The following FSHR variants were observed in gnomAD, a reference collection of about 807,000 sequenced individuals.
The protein encoded by FSHR is follicle stimulating hormone receptor, also known as follicle-stimulating hormone receptor.
A neutral mutation model predicts 52.1 loss-of-function variants in FSHR; 46 were observed. That is an observed-to-expected ratio of 0.88 (90% CI 0.70 to 1.13). The LOEUF (loss-of-function observed/expected upper bound fraction) is 1.13. FSHR is among the 50% of genes most tolerant of loss of function. FSHR has a pLI of 0.00. For synonymous variants in FSHR, 399 were observed against 309.6 expected, an observed-to-expected ratio of 1.29 and a Z score of -3.03; for missense variants, 964 against 834.6, an observed-to-expected ratio of 1.16 and a Z score of -1.91.
Position 49,096,922 on chromosome 2 carries a change from C to T in FSHR, c.153-28632G>A, listed in dbSNP as rs1670840561. ...TGGCCATGTGATATGCCTACTCCCA[C>T]TTTACCTTCTGCCATGATTATAAGT... On this transcript the variant is annotated intron_variant, in intron 1 of 9. Transcript: ENST00000406846. 5.3e-5 allele frequency among the ~76,000 whole-genome samples: 8 copies of T among 152,306 alleles called. 1 individual carries two copies. In the South Asian group the frequency reaches 1.7e-3, roughly 32 times the overall value.
intron 2 of FSHR, among the ~76,000 whole-genome samples, chr2:49,043,705 T>G (rs1432390849): frequency 6.6e-6 from 1 of 152,222 alleles, no homozygotes; most frequent in Non-Finnish European, 1.5e-5. Context: ...TCTCAGTGCA[T>G]GAAGCAGCTT....
chr2:48,962,645 T>G lies in FSHR; in HGVS notation c.*88A>C. 6 of 1,325,222 alleles carry G rather than the reference T, an allele frequency of 4.5e-6. No homozygotes were observed. In the South Asian group the frequency reaches 7.2e-5, roughly 16 times the overall value. 82.1% of individuals were successfully genotyped at this position (1,325,222 alleles called of 1,614,324 possible). On this transcript the variant is annotated 3_prime_UTR_variant, in exon 10 of 10. Coordinates refer to ENST00000406846, the MANE Select transcript of FSHR (RefSeq NM_000145.4). ...GGAATATTAAATTAGATGAAATGTG[T>G]AGAAGCACTGTCAGCTCTTTGTGAC...
chr2:48,968,315 T>C (rs1275055373), intron 9 of FSHR, among the ~76,000 whole-genome samples: 2 of 152,196 alleles, frequency 1.3e-5, no homozygotes, highest in Non-Finnish European at 2.9e-5. Context: ...CCACCAAAGA[T>C]GACACGGATG....
intron 1 of FSHR, among the ~76,000 whole-genome samples, chr2:49,129,978 ATTTTGTTTTG>A (rs1672207080): frequency 6.6e-6 from 1 of 152,050 alleles, no homozygotes; most frequent in Admixed American, 6.6e-5. Flanking sequence ...AACATGTTTT[ATTTTGTTTTG>A]TTTTAAATCT....
chr2:49,043,839 T>C (rs1331337874), intron 2 of FSHR, among the ~76,000 whole-genome samples: 5 of 152,202 alleles, frequency 3.3e-5, no homozygotes, highest in Non-Finnish European at 7.4e-5. Flanking sequence ...ATTCCCATTA[T>C]GACTTTGAAT....
intron 2 of FSHR, among the ~76,000 whole-genome samples, chr2:49,053,668 A>G (rs555925399): frequency 1.3e-5 from 2 of 152,180 alleles, no homozygotes; most frequent in Non-Finnish European, 2.9e-5. Context: ...CTAATGCACA[A>G]ACTTCTATTC....
At chr2:49,071,056 G>C (rs1289703092) in intron 1 of FSHR, among the ~76,000 whole-genome samples, 1 of 152,072 alleles carries the variant, frequency 6.6e-6, no homozygotes, top group East Asian at 1.9e-4. Flanking sequence ...TACGAAACTG[G>C]CACATGAGAT....
intron 2 of FSHR, among the ~76,000 whole-genome samples, chr2:49,056,655 G>T (rs1182657875): frequency 6.6e-6 from 1 of 151,836 alleles, no homozygotes; most frequent in African/African-American, 2.4e-5. Flanking sequence ...CTGCACCACA[G>T]ACCAAACAGA....
chr2:49,059,078 G>A (rs984556639), intron 2 of FSHR, among the ~76,000 whole-genome samples: 3 of 152,024 alleles, frequency 2.0e-5, no homozygotes, highest in African/African-American at 7.2e-5. Flanking sequence ...GGTGGCACAT[G>A]CCTGTAGTAC....
intron 4 of FSHR, among the ~76,000 whole-genome samples, chr2:49,007,810 C>T (rs539213357): frequency 8.5e-5 from 13 of 152,128 alleles, no homozygotes; most frequent in African/African-American, 2.6e-4. Flanking sequence ...ATACCAGAAG[C>T]TTTACAATCA....
intron 1 of FSHR, among the ~76,000 whole-genome samples, chr2:49,121,236 G>A (rs558502664): frequency 5.9e-5 from 9 of 152,294 alleles, no homozygotes; most frequent in South Asian, 2.1e-4. Context: ...GACAACTTTG[G>A]ATCAGAATCT....
chr2:48,982,411 G>T (rs978035869), intron 8 of FSHR, among the ~76,000 whole-genome samples: 15 of 152,202 alleles, frequency 9.9e-5, no homozygotes, highest in Non-Finnish European at 2.1e-4. Flanking sequence ...GTCTCATTGG[G>T]TTGAAGGAAC....
intron 4 of FSHR, among the ~76,000 whole-genome samples, chr2:49,000,810 G>C (rs778228499): frequency 6.6e-6 from 1 of 152,120 alleles, no homozygotes; most frequent in Non-Finnish European, 1.5e-5. Flanking sequence ...GGAACACAGT[G>C]ACCAGTGTCT....
At chr2:48,964,841 T>A (rs970881289) in intron 9 of FSHR, among the ~76,000 whole-genome samples, 1 of 152,108 alleles carries the variant, frequency 6.6e-6, no homozygotes, top group Non-Finnish European at 1.5e-5. Context: ...ATCCAGGTGA[T>A]AAATATTCAA....
At chr2:48,966,623 G>A (rs189135996) in intron 9 of FSHR, among the ~76,000 whole-genome samples, 13 of 152,212 alleles carry the variant, frequency 8.5e-5, no homozygotes, top group East Asian at 5.8e-4. Flanking sequence ...CTTGAATCCC[G>A]CTACCAAACC....
chr2:49,008,643 A>G (rs1160481755), intron 4 of FSHR, among the ~76,000 whole-genome samples: 3 of 141,420 alleles, frequency 2.1e-5, no homozygotes, highest in Non-Finnish European at 4.6e-5. Flanking sequence ...AGTCCCACCA[A>G]CAGTGTAAAA....
chr2:49,082,555 G>A (rs1313309596), intron 1 of FSHR, among the ~76,000 whole-genome samples: 4 of 152,130 alleles, frequency 2.6e-5, no homozygotes, highest in East Asian at 1.9e-4. Context: ...TCCGAGATAC[G>A]GGAGGACGTT....
chr2:48,964,173 G>T (rs1674368096), intron 9 of FSHR, among the ~76,000 whole-genome samples: 1 of 151,904 alleles, frequency 6.6e-6, no homozygotes, highest in Admixed American at 6.6e-5. Flanking sequence ...TATTACTAGA[G>T]TTGGATGGCT....
intron 1 of FSHR, among the ~76,000 whole-genome samples, chr2:49,110,862 AT>A (rs1211868039): frequency 6.6e-6 from 1 of 152,046 alleles, no homozygotes; most frequent in Non-Finnish European, 1.5e-5. Flanking sequence ...ACAAATAGAG[AT>A]TTTTTTGGAA....
Sources: gnomAD v4.1 joint callset for allele counts (sites outside exome capture counted in the v4.1 genomes callset) on GRCh38, gnomAD v4.1.1 for gene constraint, MANE v1.5 for transcripts, NCBI Gene and HGNC (gene_info 2026-07-23, HGNC 2026-07-21) for gene names.